Variants in KDELR1 observed in about 807,000 individuals in gnomAD.
KDELR1 encodes the protein ER lumen protein-retaining receptor 1.
Under a neutral mutation model 25.5 loss-of-function variants are expected in KDELR1, and 16 were observed. The observed-to-expected ratio is 0.63, with a 90% CI of 0.43 to 0.95. The LOEUF (loss-of-function observed/expected upper bound fraction) is 0.95, where lower values mean the gene tolerates loss of function less well. Among genes scored for constraint, KDELR1 ranks in the 40% least tolerant of loss-of-function variants. KDELR1 has a pLI of 0.00. For synonymous variants in KDELR1, 121 were observed against 115.0 expected, an observed-to-expected ratio of 1.05 and a Z score of -0.33; for missense variants, 159 against 265.2, an observed-to-expected ratio of 0.60 and a Z score of 2.78.
At chr19:48,387,267 G>A (rs550548110) in intron 3 of KDELR1, among the ~76,000 whole-genome samples, 1 of 152,176 alleles carries the variant, frequency 6.6e-6, no homozygotes, top group East Asian at 1.9e-4. Context: ...GCAAAGTCCA[G>A]GGCCTGGAGC....
chr19:48,393,175 G>A (rs1675226295), upstream of KDELR1, among the ~76,000 whole-genome samples: 1 of 151,994 alleles, frequency 6.6e-6, no homozygotes, highest in African/African-American at 2.4e-5. This position sits in a 1 kb window ranked among gnomAD's most constrained non-coding sequence, Gnocchi z 5.6. Flanking sequence ...CCGACTTGGA[G>A]GCGGTCCCCA....
chr19:48,396,067 T>G (rs1336411845), upstream of KDELR1, among the ~76,000 whole-genome samples: 1 of 151,960 alleles, frequency 6.6e-6, no homozygotes, highest in Non-Finnish European at 1.5e-5. Context: ...GAAGGCAGGC[T>G]GGGAGCTCAG....
At chr19:48,392,295 C>T (rs1375668726), upstream of KDELR1, among the ~76,000 whole-genome samples, 1 of 150,984 alleles carries the variant, frequency 6.6e-6, no homozygotes, top group Non-Finnish European at 1.5e-5. Flanking sequence ...CCCAGCACCT[C>T]CTCCCTCAGA....
At chr19:48,394,179 C>CTCTGTGTGTGTGTG (rs1345915076), upstream of KDELR1, among the ~76,000 whole-genome samples, 2 of 151,892 alleles carry the variant, frequency 1.3e-5, no homozygotes, top group Admixed American at 1.3e-4. This position sits in a 1 kb window ranked among gnomAD's most constrained non-coding sequence, Gnocchi z 5.1. Context: ...AGACCCCCCA[C>CTCTGTGTGTGTGTG]TCTGTGTGTG....
rs780757543 is a variant in KDELR1, at chr19:48,389,606, C to A, written c.298G>T (p.Val100Phe). ...HDTFRVEFLV[V>F]PTAILAFLVN... ...AGGAACGCCAGAATGGCTGTGGGAA[C>A]GACCAGGAACTCCACTCTGAACGTG... is the stretch of plus-strand genomic sequence containing the variant. Residue 100 changes from valine to phenylalanine, a missense_variant, in exon 3 of 5, where the codon GTT becomes TTT. Coordinates refer to ENST00000330720, the MANE Select transcript of KDELR1 (RefSeq NM_006801.3). 6 of 1,613,984 alleles carry A rather than the reference C, an allele frequency of 3.7e-6. No homozygotes were observed. The Admixed American group carries it at 8.3e-5, about 22-fold the overall frequency.
chr19:48,390,369 CA>C, intron 2 of KDELR1, 54 bp downstream of exon 2: 1 of 1,345,732 alleles, frequency 7.4e-7, no homozygotes, highest in Non-Finnish European at 1.1e-6. Flanking sequence ...GTCTGGGACC[CA>C]CACCCGGCTC....
upstream of KDELR1, chr19:48,391,699 G>C (rs1308342256): frequency 5.3e-6 from 2 of 375,814 alleles, no homozygotes; most frequent in Non-Finnish European, 1.0e-5. Flanking sequence ...ATAGGAACTT[G>C]GGAGGGTCGC....
At chr19:48,391,972 C>T (rs201001336), upstream of KDELR1, among the ~76,000 whole-genome samples, 12 of 152,100 alleles carry the variant, frequency 7.9e-5, no homozygotes, top group East Asian at 2.1e-3. Flanking sequence ...CCAGCCCGTT[C>T]GTCAAACCCA....
Position 48,383,001 on chromosome 19 carries a change from T to C in KDELR1, c.*292A>G, listed in dbSNP as rs1462033343. 2.1e-6 allele frequency: 1 copy of C among 469,844 alleles called. No individual in the cohort carries two copies. The highest frequency in any genetic ancestry group is 3.8e-6 in the Non-Finnish European group (1 of 260,934). 29.1% of individuals were successfully genotyped at this position (469,844 alleles called of 1,614,324 possible). A position where few individuals can be genotyped will look rare whatever the true frequency, so the allele number is the denominator to read the frequency against. On this transcript the variant is annotated 3_prime_UTR_variant, in exon 5 of 5. Coordinates refer to ENST00000330720, the MANE Select transcript of KDELR1 (RefSeq NM_006801.3). ...CCATAGGACACTCAAAAACACTTTA[T>C]AAAAATTGGGGCCACAGAGTAGAAG... is the stretch of plus-strand genomic sequence containing the variant.
upstream of KDELR1, among the ~76,000 whole-genome samples, chr19:48,394,183 GTGTGTGTGTGTC>G (rs769720617): frequency 0.01 from 1,521 of 151,976 alleles, 17 homozygotes; most frequent in Non-Finnish European, 0.014. The surrounding 1 kb of genome is among the most constrained non-coding windows in gnomAD (Gnocchi z 5.1). Flanking sequence ...CCCCCACTCT[GTGTGTGTGTGTC>G]TGTGTGTGTG....
At chr19:48,391,960 C>T (rs1970560371), upstream of KDELR1, among the ~76,000 whole-genome samples, 1 of 152,106 alleles carries the variant, frequency 6.6e-6, no homozygotes, top group African/African-American at 2.4e-5. Context: ...GGACTCAAGG[C>T]CCCAGCCCGT....
intron 3 of KDELR1, among the ~76,000 whole-genome samples, chr19:48,388,667 C>A (rs564277175): frequency 1.3e-5 from 2 of 148,328 alleles, no homozygotes; most frequent in African/African-American, 5.0e-5. Flanking sequence ...TCTGGGCAAC[C>A]GAGCGAGACT....
intron 2 of KDELR1, 147 bp downstream of exon 2, chr19:48,390,277 A>C (rs1970534132): frequency 1.8e-6 from 1 of 553,762 alleles, no homozygotes; most frequent in Admixed American, 3.4e-5. Flanking sequence ...CTTCCCTCAG[A>C]CCCAAGAGTC....
chr19:48,388,337 G>C (rs892669760), intron 3 of KDELR1, among the ~76,000 whole-genome samples: 1 of 152,158 alleles, frequency 6.6e-6, no homozygotes, highest in African/African-American at 2.4e-5. Flanking sequence ...TACAAATGTG[G>C]AAACCGAGGT....
At chr19:48,397,378 C>T in the KDELR1 span, among the ~76,000 whole-genome samples, 48 of 152,158 alleles carry the variant, frequency 3.2e-4, 1 homozygote, top group East Asian at 9.3e-3. Context: ...TGCCACTCGC[C>T]TTCCCCGCCT....
intron 1 of KDELR1, chr19:48,390,739 T>C: frequency 2.0e-6 from 1 of 498,996 alleles, no homozygotes; most frequent in Non-Finnish European, 3.6e-6. Context: ...GCAGGGCCCT[T>C]TCCCACGGAC....
chr19:48,395,517 G>A (rs541481881), upstream of KDELR1, among the ~76,000 whole-genome samples: 40 of 152,076 alleles, frequency 2.6e-4, no homozygotes, highest in African/African-American at 9.6e-4. Context: ...TGGGAGGTGA[G>A]GGGGGAGGAA....
chr19:48,396,935 C>A, the KDELR1 span, among the ~76,000 whole-genome samples: 2 of 152,272 alleles, frequency 1.3e-5, no homozygotes, highest in African/African-American at 2.4e-5. Context: ...GGAGTCCAGA[C>A]TCCCAGTGCC....
chr19:48,395,855 A>AC (rs1970633474), upstream of KDELR1, among the ~76,000 whole-genome samples: 1 of 151,678 alleles, frequency 6.6e-6, no homozygotes, highest in Non-Finnish European at 1.5e-5. Context: ...GGAGCTGGGG[A>AC]CCTGGACTCT....
Sources: allele counts gnomAD v4.1 joint callset (sites outside exome capture counted in the v4.1 genomes callset), GRCh38; gene constraint gnomAD v4.1.1; non-coding constraint Gnocchi (gnomAD v3.1); transcripts MANE v1.5; gene names NCBI Gene and HGNC (gene_info 2026-07-23, HGNC 2026-07-21).